CNTN4: variants seen among roughly 807,000 people sequenced by gnomAD.
CNTN4 encodes contactin 4.
In CNTN4, 77 loss-of-function variants were observed where a neutral mutation model predicts 122.5. The observed-to-expected ratio is 0.63, with a 90% CI of 0.52 to 0.76. The LOEUF is 0.76. CNTN4 is among the 30% of genes least tolerant of loss of function. The pLI is 0.00. For missense variants in CNTN4, 1,256 were observed against 1,259.1 expected (o/e 1.00, Z 0.04); for synonymous variants, 512 against 447.0 (o/e 1.15, Z -1.83).
At chr3:3,034,483 G>A (rs1185011710) in intron 16 of CNTN4, 149 bp from the exon 17 acceptor site, 16 of 835,874 alleles carry the variant, frequency 1.9e-5, no homozygotes, top group African/African-American at 5.1e-5. Context: ...TTCCAAGCAC[G>A]TAGTAGGAGT....
At chr3:2,541,961 T>A (rs766877548) in intron 3 of CNTN4, among the ~76,000 whole-genome samples, 2 of 152,150 alleles carry the variant, frequency 1.3e-5, no homozygotes, top group Non-Finnish European at 2.9e-5. Context: ...TGTTTCCAAA[T>A]ATTTTAAACC....
At chr3:2,103,726 A>G (rs1185723974) in intron 2 of CNTN4, among the ~76,000 whole-genome samples, 2 of 148,858 alleles carry the variant, frequency 1.3e-5, no homozygotes, top group Non-Finnish European at 2.9e-5. Context: ...TTATTTATCT[A>G]TTTATTTATC....
intron 21 of CNTN4, among the ~76,000 whole-genome samples, chr3:3,042,650 C>G (rs1455645865): frequency 6.6e-6 from 1 of 152,110 alleles, no homozygotes; most frequent in Non-Finnish European, 1.5e-5. Flanking sequence ...CAAATCTAAG[C>G]ATTTACGGGA....
Position 2,911,825 on chromosome 3 carries a change from A to G in CNTN4, c.1207+8820A>G, listed in dbSNP as rs1477305726. On this transcript the variant is annotated intron_variant, in intron 12 of 24. Transcript: ENST00000418658. ...CAATTTACTAGAGAGATTCAACAAC[A>G]GGCTTGACCAGACAGAAAAAAATAA... is the stretch of plus-strand genomic sequence containing the variant. Among the ~76,000 whole-genome samples, 3 of 152,206 alleles carry G rather than the reference A, an allele frequency of 2.0e-5. No homozygotes were observed. In the East Asian group the frequency reaches 5.8e-4, roughly 29 times the overall value.
chr3:2,697,672 A>T (rs1292550894), intron 4 of CNTN4, among the ~76,000 whole-genome samples: 1 of 152,196 alleles, frequency 6.6e-6, no homozygotes, highest in Non-Finnish European at 1.5e-5. Flanking sequence ...TGAATTAGTC[A>T]TGGTTTATTC....
At chr3:2,253,817 A>G (rs534981546) in intron 2 of CNTN4, among the ~76,000 whole-genome samples, 1 of 152,022 alleles carries the variant, frequency 6.6e-6, no homozygotes, top group Non-Finnish European at 1.5e-5. Context: ...AAGATTTCTT[A>G]TTAATTTAAC....
At chr3:2,103,377 G>A (rs945966934) in intron 2 of CNTN4, among the ~76,000 whole-genome samples, 1 of 152,128 alleles carries the variant, frequency 6.6e-6, no homozygotes, top group Non-Finnish European at 1.5e-5. Context: ...ACCAGGATCA[G>A]GAGCAGATAT....
At position 2,893,477 on chromosome 3, in the gene CNTN4, C is replaced by T. The variant is rs1276355670; in HGVS notation, c.940+6253C>T. On this transcript the variant is annotated intron_variant, in intron 10 of 24. Coordinates refer to ENST00000418658, the MANE Select transcript of CNTN4 (RefSeq NM_175607.3). ...TCCTAGACAGAACTGATATTGATACCCTCAATTCCCCTGTCACTTAAGATA... is the reference window on the plus strand; with the variant it reads ...TCCTAGACAGAACTGATATTGATACTCTCAATTCCCCTGTCACTTAAGATA... 4.7e-4 allele frequency among the ~76,000 whole-genome samples: 71 copies of T among 152,072 alleles called. 2 individuals carry two copies. Among genetic ancestry groups the T allele is most frequent in the Non-Finnish European group, 2.8e-4 (19 of 68,002 alleles).
At chr3:3,023,806 C>G (rs1410502367) in intron 14 of CNTN4, among the ~76,000 whole-genome samples, 1 of 152,210 alleles carries the variant, frequency 6.6e-6, no homozygotes, top group African/African-American at 2.4e-5. Context: ...GTTTGAATAT[C>G]TTCAGTTGAC....
intron 13 of CNTN4, among the ~76,000 whole-genome samples, chr3:2,963,566 C>G (rs1319966608): frequency 6.6e-6 from 1 of 152,120 alleles, no homozygotes; most frequent in Non-Finnish European, 1.5e-5. Flanking sequence ...CTCTCATTCC[C>G]CATTCTTTGT....
intron 3 of CNTN4, among the ~76,000 whole-genome samples, chr3:2,566,077 A>G (rs757369492): frequency 2.0e-5 from 3 of 152,206 alleles, no homozygotes; most frequent in Admixed American, 1.3e-4. Flanking sequence ...AACCTGTGCT[A>G]TCCTTTACAT....
intron 2 of CNTN4, among the ~76,000 whole-genome samples, chr3:2,294,175 A>G (rs1559422922): frequency 6.6e-6 from 1 of 152,172 alleles, no homozygotes; most frequent in Non-Finnish European, 1.5e-5. Flanking sequence ...TGCTTCCACC[A>G]TGTTTTATTC....
chr3:2,274,351 C>G (rs2041417029), intron 2 of CNTN4, among the ~76,000 whole-genome samples: 1 of 151,264 alleles, frequency 6.6e-6, no homozygotes, highest in South Asian at 2.1e-4. Context: ...CCACTGCACT[C>G]CAGCCTGGAC....
At chr3:2,982,365 C>G (rs1369459498) in intron 13 of CNTN4, among the ~76,000 whole-genome samples, 1 of 152,144 alleles carries the variant, frequency 6.6e-6, no homozygotes, top group Non-Finnish European at 1.5e-5. Flanking sequence ...GTTGTCAGGG[C>G]TGAAAACTCA....
At chr3:2,742,529 C>T (rs777636159) in intron 5 of CNTN4, among the ~76,000 whole-genome samples, 8 of 152,150 alleles carry the variant, frequency 5.3e-5, no homozygotes, top group Non-Finnish European at 7.3e-5. Context: ...CAAGTTGACA[C>T]CATCAACAAA....
At chr3:2,268,840 G>A (rs2041157480) in intron 2 of CNTN4, among the ~76,000 whole-genome samples, 1 of 152,124 alleles carries the variant, frequency 6.6e-6, no homozygotes, top group Admixed American at 6.6e-5. Flanking sequence ...TGGAATCCTT[G>A]GTGCATTTCA....
chr3:2,748,417 CT>C (rs66600521), intron 6 of CNTN4, among the ~76,000 whole-genome samples: 33,899 of 151,766 alleles, frequency 0.22, 4,385 homozygotes, highest in African/African-American at 0.34. Flanking sequence ...TGCTTTAAGT[CT>C]TTTTTTTCAA....
intron 3 of CNTN4, among the ~76,000 whole-genome samples, chr3:2,403,210 G>T (rs2046920164): frequency 6.6e-6 from 1 of 151,874 alleles, no homozygotes; most frequent in African/African-American, 2.4e-5. Context: ...TTGATTAGGG[G>T]CCTGCTCTAC....
At chr3:2,119,094 G>A (rs1297002580) in intron 2 of CNTN4, among the ~76,000 whole-genome samples, 2 of 152,148 alleles carry the variant, frequency 1.3e-5, no homozygotes, top group East Asian at 1.9e-4. Flanking sequence ...AATGTGGTGG[G>A]CCACATTCAG....
Sources: gnomAD v4.1 joint callset for allele counts (sites outside exome capture counted in the v4.1 genomes callset) on GRCh38, gnomAD v4.1.1 for gene constraint, MANE v1.5 for transcripts, NCBI Gene and HGNC (gene_info 2026-07-23, HGNC 2026-07-21) for gene names.